RASGEF1A: variants seen among roughly 807,000 people sequenced by gnomAD.
The protein encoded by RASGEF1A is RasGEF domain family member 1A, also known as ras-GEF domain-containing family member 1A.
RASGEF1A carries 18 observed loss-of-function variants against 56.4 expected under a neutral mutation model. That is an observed-to-expected ratio of 0.32 (90% CI 0.22 to 0.47). The LOEUF is 0.47. Among genes scored for constraint, RASGEF1A ranks in the 20% least tolerant of loss-of-function variants. The pLI is 1.00. For missense variants in RASGEF1A, 422 were observed against 627.1 expected (o/e 0.67, Z 3.49); for synonymous variants, 245 against 242.6 (o/e 1.01, Z -0.09).
At chr10:43,253,529 G>A (rs978723487) in intron 1 of RASGEF1A, among the ~76,000 whole-genome samples, 4 of 152,366 alleles carry the variant, frequency 2.6e-5, no homozygotes, top group Non-Finnish European at 5.9e-5. Flanking sequence ...ATCTTTCCCC[G>A]CTGCAGTCAG....
At chr10:43,210,391 T>C (rs866437206) in intron 1 of RASGEF1A, among the ~76,000 whole-genome samples, 19 of 152,146 alleles carry the variant, frequency 1.2e-4, no homozygotes, top group Admixed American at 2.6e-4. Context: ...GGAGGATCAC[T>C]TGAGCCCAGG....
intron 1 of RASGEF1A, among the ~76,000 whole-genome samples, chr10:43,226,364 C>T (rs182222756): frequency 6.6e-6 from 1 of 152,276 alleles, no homozygotes; most frequent in Admixed American, 6.5e-5. Context: ...TTGCTTGAAC[C>T]CCAGAGGTGG....
chr10:43,197,704 T>C (rs1393591476), intron 10 of RASGEF1A, among the ~76,000 whole-genome samples: 1 of 152,062 alleles, frequency 6.6e-6, no homozygotes, highest in South Asian at 2.1e-4. Flanking sequence ...CCCACAGGGG[T>C]GGACAGGGCT....
Position 43,196,999 on chromosome 10 carries a change from G to A in RASGEF1A, c.1325C>T (p.Thr442Met), listed in dbSNP as rs767703853. ...KDKKIQSYLL[T>M]APIYSEEALF... Reference sequence around the variant, plus strand: ...ACCTTCCTCGCTGTAGATGGGCGCCGTGAGCAGGTAACTCTGAATCTTCTT... The same window carrying A: ...ACCTTCCTCGCTGTAGATGGGCGCCATGAGCAGGTAACTCTGAATCTTCTT... Residue 442 changes from threonine to methionine, a missense_variant, in exon 11 of 13, where the codon ACG becomes ATG. Thr to Met is a moderately conservative substitution (Grantham distance 81). Coordinates refer to ENST00000395810, the MANE Select transcript of RASGEF1A (RefSeq NM_145313.4). The surrounding 1 kb of genome is among the most constrained non-coding windows in gnomAD (Gnocchi z 4.6). 1.1e-5 allele frequency: 18 copies of A among 1,613,742 alleles called. No homozygotes were observed. The highest frequency in any genetic ancestry group is 4.4e-5 in the South Asian group (4 of 91,072).
chr10:43,201,696 G>A (rs1158063601), intron 4 of RASGEF1A, 112 bp downstream of exon 4: 2 of 1,163,536 alleles, frequency 1.7e-6, no homozygotes, highest in Non-Finnish European at 2.3e-6. Context: ...CCTCCTGGGG[G>A]AGTAACATGG....
chr10:43,208,498 G>A, intron 1 of RASGEF1A: 1 of 985,658 alleles, frequency 1.0e-6, no homozygotes, highest in Non-Finnish European at 1.2e-6. Context: ...TTCGAGGGTG[G>A]GGGCCTGGAG....
At chr10:43,197,932 G>A in intron 10 of RASGEF1A, 72 bp downstream of exon 10, 1 of 1,374,398 alleles carries the variant, frequency 7.3e-7, no homozygotes, top group South Asian at 1.3e-5. Context: ...TCCCGACCCA[G>A]GGCTAATGCC....
intron 2 of RASGEF1A, chr10:43,203,656 G>A: frequency 1.6e-6 from 2 of 1,215,044 alleles, no homozygotes; most frequent in South Asian, 3.5e-5. Flanking sequence ...GCTCTCCCAG[G>A]CCTCCTAGCA....
At position 43,203,402 on chromosome 10, in the gene RASGEF1A, A is replaced by G; in HGVS notation, c.217T>C (p.Phe73Leu). ...YYPDRTYIFT[F>L]LLSSRVFMPP... ...ATAAAGACCCGGGAGCTCAGGAGAA[A>G]GGTGAAGATGTACGTCCTCTGAAGG... Residue 73 changes from phenylalanine to leucine, a missense_variant, in exon 3 of 13, where the codon TTT (phenylalanine) becomes CTT (leucine). Physicochemically the swap from Phe to Leu is conservative, Grantham distance 22 (BLOSUM62 0). This residue lies in a region of RASGEF1A where 273 missense variants were observed against 339.9 expected (regional missense o/e 0.80). Coordinates refer to ENST00000395810, the MANE Select transcript of RASGEF1A (RefSeq NM_145313.4). 6.3e-7 allele frequency: 1 copy of G among 1,579,732 alleles called. No individual in the cohort carries two copies. Among genetic ancestry groups the G allele is most frequent in the Non-Finnish European group, 8.6e-7 (1 of 1,162,350 alleles).
Position 43,203,411 on chromosome 10 carries a change from T to C in RASGEF1A, c.208A>G (p.Ile70Val). 1.9e-6 allele frequency: 3 copies of C among 1,567,938 alleles called. No homozygotes were observed. Among genetic ancestry groups the C allele is most frequent in the Non-Finnish European group, 2.6e-6 (3 of 1,154,816 alleles). Residue 70 changes from isoleucine (I) to valine (V), a missense_variant, in exon 3 of 13, where the codon ATC becomes GTC. This residue lies in a region of RASGEF1A where 273 missense variants were observed against 339.9 expected (regional missense o/e 0.80). Transcript: ENST00000395810. ...TVDYYPDRTY[I>V]FTFLLSSRVF... is the part of the protein sequence containing the mutation. ...CGGGAGCTCAGGAGAAAGGTGAAGA[T>C]GTACGTCCTCTGAAGGCAGGAGACG...
chr10:43,220,570 G>C (rs1032349777), intron 1 of RASGEF1A, among the ~76,000 whole-genome samples: 1 of 152,178 alleles, frequency 6.6e-6, no homozygotes, highest in Non-Finnish European at 1.5e-5. Flanking sequence ...GATCACTTGA[G>C]GTCAGGAGTT....
chr10:43,232,112 C>T (rs1012357138), intron 1 of RASGEF1A, among the ~76,000 whole-genome samples: 8 of 152,222 alleles, frequency 5.3e-5, no homozygotes, highest in Admixed American at 4.6e-4. Flanking sequence ...GCTGGACTCC[C>T]GCTGATATGA....
intron 1 of RASGEF1A, among the ~76,000 whole-genome samples, chr10:43,254,734 A>G (rs1472872903): frequency 6.6e-6 from 1 of 152,136 alleles, no homozygotes; most frequent in Non-Finnish European, 1.5e-5. Flanking sequence ...TGTAGCTCAG[A>G]GGTAAAACGG....
intron 1 of RASGEF1A, among the ~76,000 whole-genome samples, chr10:43,219,582 C>T (rs1010064524): frequency 3.3e-5 from 5 of 152,214 alleles, no homozygotes; most frequent in African/African-American, 4.8e-5. Flanking sequence ...CACCCGGGCA[C>T]ACTGCCCACA....
rs565570622 is a variant in RASGEF1A at position 43,236,173 on chromosome 10, G to A, written c.-6-30051C>T. ...CAAAAATAATGTTAAAGGTAATATA[G>A]AGTGTGAGCTTAAGCGTCAGGGAAA... On this transcript the variant is annotated intron_variant, in intron 1 of 12. Coordinates refer to ENST00000395810, the MANE Select transcript of RASGEF1A (RefSeq NM_145313.4). 6.6e-5 allele frequency among the ~76,000 whole-genome samples: 10 copies of A among 152,272 alleles called. No individual in the cohort carries two copies. The South Asian group carries it at 1.9e-3, about 29-fold the overall frequency.
intron 9 of RASGEF1A, 121 bp downstream of exon 9, chr10:43,198,812 T>C: frequency 2.3e-6 from 2 of 886,250 alleles, no homozygotes; most frequent in Non-Finnish European, 3.7e-6. Flanking sequence ...CAGCCAGCAC[T>C]GTAGGTGCTA....
intron 1 of RASGEF1A, among the ~76,000 whole-genome samples, chr10:43,238,851 G>A (rs1470725550): frequency 3.3e-5 from 5 of 152,220 alleles, no homozygotes; most frequent in African/African-American, 1.2e-4. Context: ...GGTGGAAAGG[G>A]ACCTGATATC....
At chr10:43,214,908 G>C (rs1840113504) in intron 1 of RASGEF1A, among the ~76,000 whole-genome samples, 1 of 152,162 alleles carries the variant, frequency 6.6e-6, no homozygotes, top group Admixed American at 6.5e-5. Context: ...TTCTCAGATG[G>C]GGACACTGAG....
intron 3 of RASGEF1A, 46 bp from the exon 4 acceptor site, chr10:43,201,991 G>C (rs974851735): frequency 1.9e-6 from 3 of 1,545,652 alleles, no homozygotes; most frequent in Non-Finnish European, 2.6e-6. Flanking sequence ...GGGCAGAGTA[G>C]GGTACTAGAT....
Sources: gnomAD v4.1 joint callset for allele counts (sites outside exome capture counted in the v4.1 genomes callset) on GRCh38, gnomAD v4.1.1 for gene constraint, gnomAD v4.1.1 regional missense constraint, Gnocchi (gnomAD v3.1) non-coding constraint, MANE v1.5 for transcripts, NCBI Gene and HGNC (gene_info 2026-07-23, HGNC 2026-07-21) for gene names.